The following SLC25A17 variants were observed in gnomAD, a reference collection of about 807,000 sequenced individuals.
SLC25A17 encodes the protein solute carrier family 25 member 17.
Under a neutral mutation model 38.5 loss-of-function variants are expected in SLC25A17, and 26 were observed. The ratio of observed to expected loss-of-function variants is 0.68; its 90% CI spans 0.50 to 0.94. SLC25A17 has a LOEUF of 0.94. SLC25A17 is among the 40% of genes least tolerant of loss of function. The pLI is 0.00. For missense variants in SLC25A17, 333 were observed against 372.7 expected, an observed-to-expected ratio of 0.89 and a Z score of 0.88; for synonymous variants, 139 against 136.2, an observed-to-expected ratio of 1.02 and a Z score of -0.14.
At chr22:40,811,106 T>C (rs1241945316) in intron 1 of SLC25A17, among the ~76,000 whole-genome samples, 3 of 152,088 alleles carry the variant, frequency 2.0e-5, no homozygotes, top group Non-Finnish European at 4.4e-5. Context: ...AATTTTTGTA[T>C]TTTTTGTAGA....
At chr22:40,786,910 A>T (rs1475410378) in intron 4 of SLC25A17, among the ~76,000 whole-genome samples, 1 of 152,212 alleles carries the variant, frequency 6.6e-6, no homozygotes, top group Non-Finnish European at 1.5e-5. Context: ...CATTCACTCA[A>T]CGTTTAATAA....
At chr22:40,783,173 C>T (rs1264325480) in intron 4 of SLC25A17, among the ~76,000 whole-genome samples, 1 of 152,194 alleles carries the variant, frequency 6.6e-6, no homozygotes, top group African/African-American at 2.4e-5. Context: ...AGAAGACCTA[C>T]AATCAGAGAA....
intron 4 of SLC25A17, among the ~76,000 whole-genome samples, chr22:40,782,134 C>T (rs1277666422): frequency 2.0e-5 from 3 of 151,990 alleles, no homozygotes; most frequent in Admixed American, 6.6e-5. Flanking sequence ...GAAGGAGAAT[C>T]GCTTGAACCC....
At chr22:40,813,667 T>C (rs1025087297) in intron 1 of SLC25A17, among the ~76,000 whole-genome samples, 1 of 152,230 alleles carries the variant, frequency 6.6e-6, no homozygotes, top group Non-Finnish European at 1.5e-5. Flanking sequence ...GAGCTTGCAG[T>C]GAGCCGAGAT....
At chr22:40,817,930 C>G (rs2057659118) in intron 1 of SLC25A17, among the ~76,000 whole-genome samples, 1 of 148,554 alleles carries the variant, frequency 6.7e-6, no homozygotes, top group Non-Finnish European at 1.5e-5. Flanking sequence ...AAAGGCTCTT[C>G]TGGCTGAACT....
At chr22:40,772,103 C>T (rs1194224086) in intron 8 of SLC25A17, among the ~76,000 whole-genome samples, 1 of 151,284 alleles carries the variant, frequency 6.6e-6, no homozygotes, top group Non-Finnish European at 1.5e-5. Flanking sequence ...GGTAAATACC[C>T]TGAAGTGGAT....
At chr22:40,773,169 G>A (rs2057202188) in intron 8 of SLC25A17, among the ~76,000 whole-genome samples, 1 of 152,000 alleles carries the variant, frequency 6.6e-6, no homozygotes, top group Non-Finnish European at 1.5e-5. Flanking sequence ...CAGCACTTTG[G>A]GAGGCTGAGA....
At chr22:40,783,383 A>G (rs2057310564) in intron 4 of SLC25A17, among the ~76,000 whole-genome samples, 1 of 152,242 alleles carries the variant, frequency 6.6e-6, no homozygotes, top group Non-Finnish European at 1.5e-5. Context: ...GTGGAGAACC[A>G]CTAATCTAAT....
chr22:40,819,260 C>T lies in SLC25A17; in HGVS notation c.-12G>A. On this transcript the variant is annotated 5_prime_UTR_variant, in exon 1 of 9. Coordinates refer to ENST00000435456, the MANE Select transcript of SLC25A17 (RefSeq NM_006358.4). ...AGCACGGAAGCCATTGGTGCGGCTC[C>T]TCGAAGACCCAGCCACACTTTTCCC... 1.2e-6 allele frequency: 2 copies of T among 1,613,708 alleles called. No homozygotes were observed. Among genetic ancestry groups the T allele is most frequent in the Non-Finnish European group, 1.7e-6 (2 of 1,179,898 alleles).
intron 1 of SLC25A17, among the ~76,000 whole-genome samples, chr22:40,811,154 T>C (rs551797937): frequency 6.6e-6 from 1 of 152,224 alleles, no homozygotes; most frequent in Admixed American, 6.5e-5. Context: ...TGGTCTTGAA[T>C]CCCTCTCTTT....
At chr22:40,781,654 C>T (rs1569401668) in intron 4 of SLC25A17, among the ~76,000 whole-genome samples, 1 of 152,154 alleles carries the variant, frequency 6.6e-6, no homozygotes, top group Non-Finnish European at 1.5e-5. Context: ...AGCTTTTTAT[C>T]TGAGAAGTTC....
In SLC25A17 at chr22:40,789,477, C is replaced by T. The variant is rs1176102517; in HGVS notation, c.334+3048G>A. On this transcript the variant is annotated intron_variant, in intron 4 of 8. Coordinates refer to ENST00000435456, the MANE Select transcript of SLC25A17 (RefSeq NM_006358.4). The surrounding 1 kb of genome is among the most constrained non-coding windows in gnomAD (Gnocchi z 4.5). ...CAACCATTTTCATTTTCTTTCTTTC[C>T]TTCTTTCCCTACCTTTTAAAATATT... Among the ~76,000 whole-genome samples, 1 of 152,044 alleles carries T rather than the reference C, an allele frequency of 6.6e-6. No homozygotes were observed. The highest frequency in any genetic ancestry group is 1.5e-5 in the Non-Finnish European group (1 of 67,996).
chr22:40,801,128 C>CATACATATAT lies in SLC25A17; in HGVS notation c.55-2046_55-2045insATATATGTAT, dbSNP rs371313528. On this transcript the variant is annotated intron_variant, in intron 1 of 8. Coordinates refer to ENST00000435456, the MANE Select transcript of SLC25A17 (RefSeq NM_006358.4). ...AAAGAAAAAAGAAAAAAATATATTA[C>CATACATATAT]ATATATATATATATATATATATATA... Among the ~76,000 whole-genome samples the CATACATATAT allele has an allele frequency of 5.9e-5, 6 of 101,202 alleles. No homozygotes were observed. In the East Asian group the frequency reaches 2.3e-3, roughly 39 times the overall value. 66.4% of individuals were successfully genotyped at this position (101,202 alleles called of 152,430 possible).
chr22:40,777,840 G>A (rs760380566), intron 5 of SLC25A17, among the ~76,000 whole-genome samples: 3 of 151,682 alleles, frequency 2.0e-5, no homozygotes, highest in Non-Finnish European at 2.9e-5. Context: ...CAAGTTTATC[G>A]GTTAATTACT....
intron 8 of SLC25A17, among the ~76,000 whole-genome samples, chr22:40,773,026 GA>G (rs1468067694): frequency 2.6e-5 from 4 of 152,122 alleles, no homozygotes. Flanking sequence ...TGCTTCAAAG[GA>G]GGTCCCTGAC....
chr22:40,801,125 T>TTTTATA (rs1411306043), intron 1 of SLC25A17, among the ~76,000 whole-genome samples: 29 of 49,540 alleles, frequency 5.9e-4, no homozygotes, highest in African/African-American at 2.1e-3. Context: ...AAAAAATATA[T>TTTTATA]TACATATATA....
chr22:40,795,362 G>A (rs904834286), intron 2 of SLC25A17, among the ~76,000 whole-genome samples: 7 of 151,128 alleles, frequency 4.6e-5, no homozygotes, highest in Non-Finnish European at 7.4e-5. Context: ...GCGTGATCTC[G>A]GCTCACTGCA....
intron 1 of SLC25A17, among the ~76,000 whole-genome samples, chr22:40,812,254 A>T (rs1466541343): frequency 1.3e-5 from 2 of 152,134 alleles, no homozygotes; most frequent in African/African-American, 4.8e-5. Context: ...TTACTAAAAA[A>T]AAAAGATGGT....
chr22:40,771,308 C>T (rs1296166898), intron 8 of SLC25A17, among the ~76,000 whole-genome samples: 2 of 152,114 alleles, frequency 1.3e-5, no homozygotes, highest in Non-Finnish European at 2.9e-5. Context: ...GATGGGGTTT[C>T]ACCATGTTAG....
Sources: allele counts gnomAD v4.1 joint callset (sites outside exome capture counted in the v4.1 genomes callset), GRCh38; gene constraint gnomAD v4.1.1; non-coding constraint Gnocchi (gnomAD v3.1); transcripts MANE v1.5; gene names NCBI Gene and HGNC (gene_info 2026-07-23, HGNC 2026-07-21).